Variants in CYP46A1 observed in about 807,000 individuals in gnomAD.
The protein encoded by CYP46A1 is cholesterol 24-hydroxylase.
Under a neutral mutation model 63.3 loss-of-function variants are expected in CYP46A1, and 20 were observed. The observed-to-expected ratio is 0.32, with a 90% CI of 0.22 to 0.46. The LOEUF is 0.46. Among genes scored for constraint, CYP46A1 ranks in the 20% least tolerant of loss-of-function variants. The pLI is 1.00. For synonymous variants in CYP46A1, 268 were observed against 273.6 expected, an observed-to-expected ratio of 0.98 and a Z score of 0.20; for missense variants, 445 against 670.8, an observed-to-expected ratio of 0.66 and a Z score of 3.72.
At chr14:99,691,309 A>AC (rs1221633509) in intron 2 of CYP46A1, 148 bp downstream of exon 2, 17 of 760,072 alleles carry the variant, frequency 2.2e-5, no homozygotes, top group Non-Finnish European at 3.4e-5. Context: ...GAGTGGAGGC[A>AC]GGTGAGGCTG....
chr14:99,691,747 T>C, intron 2 of CYP46A1, 33 bp from the exon 3 acceptor site: 1 of 1,610,708 alleles, frequency 6.2e-7, no homozygotes, highest in Non-Finnish European at 8.5e-7. Flanking sequence ...CTCAGGTGGT[T>C]GACAGTTTCC....
chr14:99,691,146 A>G lies in CYP46A1; in HGVS notation c.185A>G (p.Asp62Gly). Residue 62 changes from aspartate to glycine, a missense_variant, in exon 2 of 15, where the codon GAT (aspartate) becomes GGT (glycine). Asp to Gly is a moderately conservative substitution (Grantham distance 94, BLOSUM62 -1). Transcript: ENST00000261835. ...KDEVGGRVLQ[D>G]VFLDWAKKYG... The stretch of plus-strand genomic sequence containing the variant: ...GAGGTTGGTGGCCGTGTGCTCCAAG[A>G]TGTGTTTTTGGATTGGTGGGTTCTC... 1 of 1,614,034 alleles carries G rather than the reference A, an allele frequency of 6.2e-7. No individual in the cohort carries two copies.
intron 3 of CYP46A1, 54 bp from the exon 4 acceptor site, chr14:99,699,412 C>A (rs2056612038): frequency 6.5e-7 from 1 of 1,543,436 alleles, no homozygotes; most frequent in African/African-American, 1.4e-5. Context: ...AGAAGAGCAT[C>A]TTGCAGCTAC....
chr14:99,700,356 A>G (rs976718111), intron 5 of CYP46A1, among the ~76,000 whole-genome samples: 1 of 152,346 alleles, frequency 6.6e-6, no homozygotes, highest in African/African-American at 2.4e-5. Flanking sequence ...CACGATGGCC[A>G]GAAGCATGGG....
chr14:99,685,033 C>G (rs986741062), intron 1 of CYP46A1, among the ~76,000 whole-genome samples: 3 of 148,926 alleles, frequency 2.0e-5, no homozygotes, highest in African/African-American at 7.4e-5. Context: ...TTAGTACTTA[C>G]AATTGCATTC....
intron 1 of CYP46A1, among the ~76,000 whole-genome samples, chr14:99,689,995 C>G (rs2056530149): frequency 6.6e-6 from 1 of 152,214 alleles, no homozygotes; most frequent in South Asian, 2.1e-4. Context: ...ACCTTGTACT[C>G]TGTTTCCCTC....
At chr14:99,707,808 C>A in intron 7 of CYP46A1, 130 bp downstream of exon 7, 1 of 716,360 alleles carries the variant, frequency 1.4e-6, no homozygotes. Flanking sequence ...TCTGAAGTGA[C>A]TTCTGAATCA....
At chr14:99,699,701 G>A (rs533364431) in intron 4 of CYP46A1, among the ~76,000 whole-genome samples, 162 bp downstream of exon 4, 1 of 152,248 alleles carries the variant, frequency 6.6e-6, no homozygotes, top group South Asian at 2.1e-4. Context: ...CTCTTGTCAC[G>A]AGCAGTTTCC....
At chr14:99,698,747 T>C (rs1156647200) in intron 3 of CYP46A1, among the ~76,000 whole-genome samples, 1 of 152,172 alleles carries the variant, frequency 6.6e-6, no homozygotes, top group Non-Finnish European at 1.5e-5. Context: ...CAGATCCAAA[T>C]TGAAGCTGGC....
chr14:99,721,095 A>G, intron 10 of CYP46A1, 144 bp from the exon 11 acceptor site: 1 of 658,948 alleles, frequency 1.5e-6, no homozygotes, highest in South Asian at 1.8e-5. Flanking sequence ...GTCTCAAAAA[A>G]TAAAGCTACA....
chr14:99,708,092 C>T (rs1163565555), intron 7 of CYP46A1: 1 of 262,910 alleles, frequency 3.8e-6, no homozygotes, highest in African/African-American at 2.3e-5. Context: ...ATCTGCCCCA[C>T]CCGCTGCAGC....
At chr14:99,714,914 T>C (rs1365154656) in intron 7 of CYP46A1, among the ~76,000 whole-genome samples, 1 of 151,962 alleles carries the variant, frequency 6.6e-6, no homozygotes, top group African/African-American at 2.4e-5. Context: ...GAAAGACAAA[T>C]ATTGCCTGTT....
intron 1 of CYP46A1, among the ~76,000 whole-genome samples, chr14:99,689,250 G>A (rs1184028091): frequency 2.0e-5 from 3 of 152,162 alleles, no homozygotes; most frequent in East Asian, 3.8e-4. Context: ...GTCTGAGATT[G>A]GTCCCCCCAA....
intron 1 of CYP46A1, chr14:99,684,751 A>G: frequency 1.6e-6 from 1 of 641,862 alleles, no homozygotes; most frequent in East Asian, 3.1e-5. Flanking sequence ...GCTGGGCCCC[A>G]CAAACGTGAT....
intron 7 of CYP46A1, chr14:99,712,771 T>A (rs1263396805): frequency 2.0e-5 from 3 of 152,210 alleles, no homozygotes; most frequent in Non-Finnish European, 4.4e-5. Flanking sequence ...ACCAATGACA[T>A]TCTTCACAGA....
At position 99,726,502 on chromosome 14, in the gene CYP46A1, C is replaced by T. The variant is rs535122422; in HGVS notation, c.1333-55C>T. On this transcript the variant is annotated intron_variant, in intron 14 of 14. Transcript: ENST00000261835. ...CTGTGACATTTGCTGCTCATTCACT[C>T]ACTCATTCTGTCTTTGCTCCTTCAT... 15 of 1,454,966 alleles carry T rather than the reference C, an allele frequency of 1.0e-5. No individual in the cohort carries two copies. In the African/African-American group the frequency reaches 1.7e-4, roughly 16 times the overall value. 90.1% of individuals were successfully genotyped at this position (1,454,966 alleles called of 1,614,324 possible).
At chr14:99,703,924 A>G (rs2056653195) in intron 5 of CYP46A1, 1 of 973,202 alleles carries the variant, frequency 1.0e-6, no homozygotes, top group Non-Finnish European at 1.2e-6. Flanking sequence ...CATTTATTTA[A>G]GAAATACTTA....
intron 1 of CYP46A1, among the ~76,000 whole-genome samples, chr14:99,686,874 A>C (rs2056498969): frequency 6.6e-6 from 1 of 152,216 alleles, no homozygotes; most frequent in Non-Finnish European, 1.5e-5. Flanking sequence ...TTAGTGGTCA[A>C]ATATAAAACT....
At chr14:99,726,484 A>G (rs2056899699) in intron 14 of CYP46A1, 73 bp from the exon 15 acceptor site, 2 of 1,399,860 alleles carry the variant, frequency 1.4e-6, no homozygotes, top group Admixed American at 2.5e-5. Context: ...CGGCTGTGAC[A>G]TTTGCTGCTC....
Sources: allele counts gnomAD v4.1 joint callset (sites outside exome capture counted in the v4.1 genomes callset), GRCh38; gene constraint gnomAD v4.1.1; transcripts MANE v1.5; gene names NCBI Gene and HGNC (gene_info 2026-07-23, HGNC 2026-07-21).